The following LINGO2 variants were observed in gnomAD, a reference collection of about 807,000 sequenced individuals.
LINGO2 encodes leucine rich repeat and Ig domain containing 2.
Under a neutral mutation model 30.6 loss-of-function variants are expected in LINGO2, and 14 were observed. That is an observed-to-expected ratio of 0.46 (90% CI 0.30 to 0.72). The LOEUF (loss-of-function observed/expected upper bound fraction) is 0.72. Ranked by LOEUF, LINGO2 falls within the 30% of genes least tolerant of loss-of-function variation. LINGO2 has a pLI of 0.07. For missense variants in LINGO2, 729 were observed against 751.7 expected (o/e 0.97, Z 0.35); for synonymous variants, 317 against 288.5 (o/e 1.10, Z -1.00).
At chr9:28,203,801 G>A (rs553530871) in intron 4 of LINGO2, among the ~76,000 whole-genome samples, 239 of 152,158 alleles carry the variant, frequency 1.6e-3, no homozygotes, top group Non-Finnish European at 2.7e-3. Context: ...TGGGTCTCAG[G>A]GTATTTGGTG....
chr9:28,260,392 C>T (rs899605040), intron 4 of LINGO2, among the ~76,000 whole-genome samples: 5 of 151,866 alleles, frequency 3.3e-5, no homozygotes, highest in African/African-American at 1.2e-4. Context: ...GTAATGGTCG[C>T]TTTGACTTCA....
chr9:28,576,490 A>C (rs1433355436), intron 1 of LINGO2, among the ~76,000 whole-genome samples: 1 of 152,242 alleles, frequency 6.6e-6, no homozygotes, highest in African/African-American at 2.4e-5. Context: ...TCATGTACAA[A>C]ACAAACTAAT....
chr9:28,335,727 G>A (rs750727713), intron 3 of LINGO2, among the ~76,000 whole-genome samples: 1 of 151,996 alleles, frequency 6.6e-6, no homozygotes, highest in Non-Finnish European at 1.5e-5. Context: ...CATGATCCAA[G>A]GATAAATAAC....
intron 5 of LINGO2, among the ~76,000 whole-genome samples, chr9:27,996,181 T>C (rs1821652699): frequency 6.6e-6 from 1 of 152,154 alleles, no homozygotes; most frequent in South Asian, 2.1e-4. Context: ...ACTTGTATTT[T>C]GTTGGTGGAA....
chr9:28,704,662 A>G, the LINGO2 span, among the ~76,000 whole-genome samples: 22 of 151,798 alleles, frequency 1.4e-4, no homozygotes, highest in African/African-American at 5.1e-4. Flanking sequence ...AAGCTGAGAG[A>G]TTCTTCAACC....
the LINGO2 span, among the ~76,000 whole-genome samples, chr9:29,007,882 T>G: frequency 6.6e-6 from 1 of 151,954 alleles, no homozygotes; most frequent in Non-Finnish European, 1.5e-5. Context: ...CATTTAAGAG[T>G]AGCCAACATG....
chr9:28,033,013 A>T (rs1038588966), intron 4 of LINGO2, among the ~76,000 whole-genome samples: 37 of 152,218 alleles, frequency 2.4e-4, no homozygotes, highest in Non-Finnish European at 4.6e-4. Flanking sequence ...CTCTCAAATC[A>T]GATGAGAAAT....
At chr9:28,414,293 C>G (rs1259223251) in intron 2 of LINGO2, among the ~76,000 whole-genome samples, 1 of 151,970 alleles carries the variant, frequency 6.6e-6, no homozygotes, top group Non-Finnish European at 1.5e-5. Context: ...TTGTTCTAGC[C>G]CTTGAAGCAG....
intron 3 of LINGO2, among the ~76,000 whole-genome samples, chr9:28,300,872 C>T (rs1241227545): frequency 6.6e-6 from 1 of 150,468 alleles, no homozygotes. Flanking sequence ...GTGCAACCTA[C>T]ATTGAACATG....
At chr9:29,045,138 A>C in the LINGO2 span, among the ~76,000 whole-genome samples, 1 of 152,162 alleles carries the variant, frequency 6.6e-6, no homozygotes, top group Non-Finnish European at 1.5e-5. Context: ...TACACTGGAC[A>C]AAGAGATGAT....
exon 6 of LINGO2, chr9:27,949,860 T>G: frequency 6.2e-7 from 1 of 1,613,864 alleles, no homozygotes; most frequent in East Asian, 2.2e-5. Flanking sequence ...GTATACCAGG[T>G]GTTTAAAGGC....
intron 4 of LINGO2, among the ~76,000 whole-genome samples, chr9:28,075,909 T>C (rs1386918110): frequency 6.6e-6 from 1 of 152,054 alleles, no homozygotes; most frequent in African/African-American, 2.4e-5. Flanking sequence ...GAAAAATTTG[T>C]CCATTTTTTC....
rs1351836030 is a variant in LINGO2 at position 28,258,093 on chromosome 9, TAATA to T, written c.-87+37111_-87+37114del. ...TGAGCAGGCAGTTTAACCTCTTTGC[TAATA>T]AATGATGAGGTGTCCAGTTTGTCTT... On this transcript the variant is annotated intron_variant, in intron 4 of 5. Coordinates refer to ENST00000379992, the Ensembl canonical transcript of LINGO2. 4.6e-5 allele frequency among the ~76,000 whole-genome samples: 7 copies of T among 152,100 alleles called. No homozygotes were observed. The East Asian group carries it at 9.7e-4, about 21-fold the overall frequency.
chr9:28,785,951 C>T, the LINGO2 span, among the ~76,000 whole-genome samples: 1,519 of 152,270 alleles, frequency 1.0e-2, 20 homozygotes, highest in African/African-American at 0.034. Context: ...CTCCAAACTA[C>T]GTACGACCTT....
intron 1 of LINGO2, among the ~76,000 whole-genome samples, chr9:28,497,520 A>G (rs899027791): frequency 2.6e-5 from 4 of 152,152 alleles, no homozygotes; most frequent in African/African-American, 7.2e-5. Flanking sequence ...CAGGTCATTT[A>G]AGAACTTTTC....
chr9:28,316,233 C>A (rs1386937885), intron 3 of LINGO2, among the ~76,000 whole-genome samples: 1 of 151,444 alleles, frequency 6.6e-6, no homozygotes. Flanking sequence ...GAAAACAGTA[C>A]CAAAACTTTT....
chr9:28,875,023 G>A, the LINGO2 span, among the ~76,000 whole-genome samples: 1 of 152,044 alleles, frequency 6.6e-6, no homozygotes, highest in Non-Finnish European at 1.5e-5. Context: ...CTCTCTCAGA[G>A]AGAATTATAG....
the LINGO2 span, among the ~76,000 whole-genome samples, chr9:29,077,518 C>T: frequency 4.3e-3 from 649 of 152,024 alleles, 1 homozygote; most frequent in Non-Finnish European, 6.4e-3. Flanking sequence ...AAACATTCAA[C>T]GAATATTTAC....
At chr9:28,036,840 G>A (rs1823960036) in intron 4 of LINGO2, among the ~76,000 whole-genome samples, 1 of 152,192 alleles carries the variant, frequency 6.6e-6, no homozygotes, top group Admixed American at 6.5e-5. Context: ...GGAGAAGCCA[G>A]ACTATTTCTA....
Sources: allele counts gnomAD v4.1 joint callset (sites outside exome capture counted in the v4.1 genomes callset), GRCh38; gene constraint gnomAD v4.1.1; transcripts MANE v1.5; gene names NCBI Gene and HGNC (gene_info 2026-07-23, HGNC 2026-07-21).